Variants in DLGAP2 observed in about 807,000 individuals in gnomAD.
DLGAP2 encodes the protein DLG associated protein 2, also known as disks large-associated protein 2.
DLGAP2 carries 26 observed loss-of-function variants against 100.3 expected under a neutral mutation model. The observed-to-expected ratio is 0.26, with a 90% confidence interval of 0.19 to 0.36. DLGAP2 has a LOEUF of 0.36. Ranked by LOEUF, DLGAP2 falls within the 10% of genes least tolerant of loss-of-function variation. The pLI is 1.00. For missense variants in DLGAP2, 1,858 were observed against 1,453.2 expected (o/e 1.28, Z -4.53); for synonymous variants, 886 against 630.1 (o/e 1.41, Z -6.08).
chr8:1,444,182 C>T (rs1797916841), intron 3 of DLGAP2, among the ~76,000 whole-genome samples: 1 of 152,088 alleles, frequency 6.6e-6, no homozygotes, highest in South Asian at 2.1e-4. Context: ...AACTCCTGGC[C>T]TCAAGCGATC....
chr8:1,417,978 A>G (rs1341083744), intron 3 of DLGAP2, among the ~76,000 whole-genome samples: 3 of 152,220 alleles, frequency 2.0e-5, no homozygotes, highest in African/African-American at 2.4e-5. Flanking sequence ...AGAATTAAAT[A>G]TCTGAAATCA....
intron 3 of DLGAP2, among the ~76,000 whole-genome samples, chr8:1,342,051 G>A (rs1181561963): frequency 6.6e-6 from 1 of 152,066 alleles, no homozygotes; most frequent in East Asian, 1.9e-4. Flanking sequence ...TCTGGGCTGA[G>A]GTGATTCTCT....
At chr8:1,592,498 A>G (rs1030131900) in intron 6 of DLGAP2, among the ~76,000 whole-genome samples, 1 of 151,978 alleles carries the variant, frequency 6.6e-6, no homozygotes. Flanking sequence ...GAAGCTCTGG[A>G]AAGCGGTCCC....
At chr8:1,084,048 TA>T (rs1440279492) in intron 2 of DLGAP2, among the ~76,000 whole-genome samples, 8 of 152,240 alleles carry the variant, frequency 5.3e-5, no homozygotes. Flanking sequence ...CACAAACTTT[TA>T]TTTTATCTCA....
chr8:1,314,503 A>T (rs1202583184), intron 3 of DLGAP2, among the ~76,000 whole-genome samples: 1 of 152,258 alleles, frequency 6.6e-6, no homozygotes, highest in Non-Finnish European at 1.5e-5. Context: ...TCCAAAAAAT[A>T]ACACTTTTAA....
chr8:1,430,960 A>G (rs1188633659), intron 3 of DLGAP2, among the ~76,000 whole-genome samples: 1 of 152,192 alleles, frequency 6.6e-6, no homozygotes, highest in Non-Finnish European at 1.5e-5. Flanking sequence ...GCAAGTCATT[A>G]CCTTCTCTTT....
intron 3 of DLGAP2, among the ~76,000 whole-genome samples, chr8:1,287,687 T>C (rs1799970751): frequency 8.5e-6 from 1 of 117,906 alleles, no homozygotes; most frequent in Non-Finnish European, 1.7e-5. Flanking sequence ...GGAACTAGTT[T>C]CGGTTCAGTG....
intron 3 of DLGAP2, among the ~76,000 whole-genome samples, chr8:1,464,553 C>T (rs1237521117): frequency 4.0e-5 from 6 of 150,854 alleles, no homozygotes; most frequent in African/African-American, 9.8e-5. Context: ...CCTTCCAGGA[C>T]GACTCCCTTC....
intron 3 of DLGAP2, among the ~76,000 whole-genome samples, chr8:1,352,649 C>T (rs973291172): frequency 4.6e-5 from 7 of 152,198 alleles, no homozygotes; most frequent in South Asian, 2.1e-4. Context: ...GGTAAAGACT[C>T]GAACCCTGAC....
Position 1,668,491 on chromosome 8 carries a change from G to A in DLGAP2, c.1973G>A (p.Arg658His), listed in dbSNP as rs759972731. The A allele has an allele frequency of 2.3e-5, 37 of 1,593,162 alleles. No individual in the cohort carries two copies. Among genetic ancestry groups the A allele is most frequent in the East Asian group, 2.3e-4 (10 of 43,472 alleles). The change falls in exon 9 of 15, where the codon CGC becomes CAC. Residue 658 changes from arginine (R) to histidine (H), a missense_variant. Physicochemically the swap from Arg to His is conservative, Grantham distance 29. Transcript: ENST00000637795. The part of the protein sequence containing the change: ...QRMSPWPQDS[R>H]GLYNSTDSLD... ...ATGTCCCCGTGGCCCCAGGACAGCCGCGGCCTCTACAACTCCACGGACAGC... is the reference window on the plus strand; with the variant it reads ...ATGTCCCCGTGGCCCCAGGACAGCCACGGCCTCTACAACTCCACGGACAGC...
chr8:1,267,627 T>TAAAAGAAA (rs61003863), intron 3 of DLGAP2, among the ~76,000 whole-genome samples: 1 of 39,424 alleles, frequency 2.5e-5, no homozygotes. Context: ...ATAAGATAAA[T>TAAAAGAAA]ATTAAATAGG....
chr8:872,616 A>G (rs1797619871), intron 1 of DLGAP2, among the ~76,000 whole-genome samples: 1 of 152,228 alleles, frequency 6.6e-6, no homozygotes, highest in Non-Finnish European at 1.5e-5. Context: ...GGCGTGAGCC[A>G]CTGCGCCCGG....
At chr8:1,649,299 A>G (rs1798111419) in intron 8 of DLGAP2, among the ~76,000 whole-genome samples, 1 of 35,574 alleles carries the variant, frequency 2.8e-5, no homozygotes, top group Non-Finnish European at 5.4e-5. Flanking sequence ...CAAAGCTACC[A>G]GAATACTCAA....
chr8:1,487,515 C>A (rs921687389), intron 3 of DLGAP2, among the ~76,000 whole-genome samples: 9 of 152,188 alleles, frequency 5.9e-5, no homozygotes, highest in African/African-American at 2.2e-4. Context: ...TTCTGTAGGA[C>A]AACTGAATGC....
intron 3 of DLGAP2, among the ~76,000 whole-genome samples, chr8:1,337,958 C>G (rs1310267192): frequency 6.6e-6 from 1 of 152,176 alleles, no homozygotes; most frequent in Non-Finnish European, 1.5e-5. Context: ...TGAGTCGTTA[C>G]AAAAATTCAA....
At chr8:1,077,460 T>C (rs948511661) in intron 2 of DLGAP2, among the ~76,000 whole-genome samples, 5 of 152,176 alleles carry the variant, frequency 3.3e-5, no homozygotes, top group Non-Finnish European at 5.9e-5. Flanking sequence ...TGAGTCACTT[T>C]CCTATTCTTG....
intron 4 of DLGAP2, among the ~76,000 whole-genome samples, chr8:1,528,145 G>A (rs544439094): frequency 3.9e-5 from 6 of 152,310 alleles, no homozygotes; most frequent in South Asian, 4.1e-4. Flanking sequence ...CGGACGCAGC[G>A]ATACCTTTGA....
chr8:1,656,579 C>T (rs904147978), intron 8 of DLGAP2, among the ~76,000 whole-genome samples: 2 of 152,170 alleles, frequency 1.3e-5, no homozygotes, highest in African/African-American at 4.8e-5. Flanking sequence ...GAGGTGGGCT[C>T]AATTCCAGAT....
chr8:856,341 A>G (rs1797277539), intron 1 of DLGAP2, among the ~76,000 whole-genome samples: 1 of 151,672 alleles, frequency 6.6e-6, no homozygotes, highest in African/African-American at 2.4e-5. Flanking sequence ...GGCACACACC[A>G]CCACGCCTGG....
Sources: allele counts gnomAD v4.1 joint callset (sites outside exome capture counted in the v4.1 genomes callset), GRCh38; gene constraint gnomAD v4.1.1; transcripts MANE v1.5; gene names NCBI Gene and HGNC (gene_info 2026-07-23, HGNC 2026-07-21).